The following KCNAB1 variants were observed in gnomAD, a reference collection of about 807,000 sequenced individuals.
KCNAB1 encodes potassium voltage-gated channel subfamily A regulatory beta subunit 1.
KCNAB1 carries 35 observed loss-of-function variants against 64.6 expected under a neutral mutation model. The ratio of observed to expected loss-of-function variants is 0.54; its 90% CI spans 0.41 to 0.72. KCNAB1 has a LOEUF of 0.72. Ranked by LOEUF, KCNAB1 falls within the 30% of genes least tolerant of loss-of-function variation. The probability of loss-of-function intolerance (pLI) is 0.00; values close to 1 mark genes in which losing one functional copy is unlikely to be tolerated. For synonymous variants in KCNAB1, 177 were observed against 183.8 expected (o/e 0.96, Z 0.30); for missense variants, 401 against 512.9 (o/e 0.78, Z 2.11).
intron 1 of KCNAB1, among the ~76,000 whole-genome samples, chr3:156,354,723 CAAAA>C (rs11320799): frequency 1.1e-3 from 124 of 117,878 alleles, no homozygotes; most frequent in African/African-American, 3.0e-3. Flanking sequence ...ATCTCCCCTC[CAAAA>C]AAAAAAAAAA....
At chr3:156,314,199 T>A (rs1270254434) in intron 1 of KCNAB1, among the ~76,000 whole-genome samples, 3 of 152,212 alleles carry the variant, frequency 2.0e-5, no homozygotes, top group Non-Finnish European at 4.4e-5. Context: ...TTCAGAGCAC[T>A]TGAGGGGCAG....
intron 8 of KCNAB1, among the ~76,000 whole-genome samples, chr3:156,506,824 G>C (rs1004637462): frequency 1.2e-4 from 18 of 152,264 alleles, no homozygotes; most frequent in African/African-American, 4.3e-4. Flanking sequence ...ATCAGATGCA[G>C]ACACCAGCCC....
intron 8 of KCNAB1, among the ~76,000 whole-genome samples, chr3:156,476,522 TACACACACACAC>T (rs10542832): frequency 1.4e-5 from 2 of 147,460 alleles, no homozygotes; most frequent in African/African-American, 2.5e-5. Flanking sequence ...TATATATATA[TACACACACACAC>T]ACACACACAC....
intron 1 of KCNAB1, among the ~76,000 whole-genome samples, chr3:156,198,616 C>CTT (rs59410120): frequency 2.4e-4 from 28 of 118,510 alleles, no homozygotes; most frequent in African/African-American, 6.3e-4. Flanking sequence ...GCAAACCCTG[C>CTT]TTTTTTTTTT....
intron 1 of KCNAB1, among the ~76,000 whole-genome samples, chr3:156,258,656 A>T (rs1197998912): frequency 2.0e-5 from 3 of 152,216 alleles, no homozygotes; most frequent in Non-Finnish European, 4.4e-5. Flanking sequence ...GAATGATTAC[A>T]GGGAAATTAA....
intron 1 of KCNAB1, among the ~76,000 whole-genome samples, chr3:156,357,092 A>G (rs771417400): frequency 2.0e-5 from 3 of 152,122 alleles, no homozygotes; most frequent in African/African-American, 7.2e-5. Context: ...AGATTTATGC[A>G]TGAGCATGTA....
At chr3:156,485,669 G>T (rs916826929) in intron 8 of KCNAB1, among the ~76,000 whole-genome samples, 9 of 151,744 alleles carry the variant, frequency 5.9e-5, no homozygotes, top group African/African-American at 1.9e-4. Context: ...GCTGAGCTTT[G>T]GGCTTCTAGT....
At chr3:156,387,111 A>G (rs757564336) in intron 1 of KCNAB1, among the ~76,000 whole-genome samples, 36 of 150,476 alleles carry the variant, frequency 2.4e-4, no homozygotes, top group Non-Finnish European at 4.4e-4. Flanking sequence ...TGCATTCTAG[A>G]AGGTTGGCTG....
chr3:156,265,565 C>T (rs1446466681), intron 1 of KCNAB1, among the ~76,000 whole-genome samples: 1 of 152,188 alleles, frequency 6.6e-6, no homozygotes, highest in Non-Finnish European at 1.5e-5. Context: ...GGAAAAGGGC[C>T]TCTGTGTGGG....
intron 1 of KCNAB1, among the ~76,000 whole-genome samples, chr3:156,304,878 A>G (rs1357043673): frequency 6.6e-6 from 1 of 152,222 alleles, no homozygotes; most frequent in East Asian, 1.9e-4. Context: ...AGTAAGAGAT[A>G]CTTTGAAGAT....
At chr3:156,280,691 G>A (rs963871740) in intron 1 of KCNAB1, among the ~76,000 whole-genome samples, 8 of 150,888 alleles carry the variant, frequency 5.3e-5, no homozygotes, top group African/African-American at 1.9e-4. Flanking sequence ...CACATCCCTT[G>A]TAAGTTGGAT....
chr3:156,453,101 T>G (rs1712125700), intron 3 of KCNAB1, 165 bp downstream of exon 3: 1 of 502,344 alleles, frequency 2.0e-6, no homozygotes. Context: ...TTTTTCCTGT[T>G]GTATTTTTTA....
At chr3:156,153,872 T>C (rs1715560766) in intron 1 of KCNAB1, among the ~76,000 whole-genome samples, 1 of 152,214 alleles carries the variant, frequency 6.6e-6, no homozygotes, top group African/African-American at 2.4e-5. Context: ...ACTTGCCAAC[T>C]GCTATTCTTG....
At chr3:156,304,989 A>G (rs1419494651) in intron 1 of KCNAB1, among the ~76,000 whole-genome samples, 1 of 151,926 alleles carries the variant, frequency 6.6e-6, no homozygotes, top group African/African-American at 2.4e-5. Flanking sequence ...CACATACATG[A>G]GGTCATAGGG....
At chr3:156,119,521 A>T (rs9844565), upstream of KCNAB1, among the ~76,000 whole-genome samples, 10,669 of 152,068 alleles carry the variant, frequency 0.07, 1,279 homozygotes, top group African/African-American at 0.24. Flanking sequence ...TAACTCTACA[A>T]TTTTTAACTT....
rs1397298667 is a variant in KCNAB1, at chr3:156,537,479, A to G, written c.*732A>G. The G allele has an allele frequency of 6.4e-6, 1 of 155,074 alleles. No individual in the cohort carries two copies. The highest frequency in any genetic ancestry group is 1.9e-4 in the East Asian group (1 of 5,320). 9.6% of individuals were successfully genotyped at this position (155,074 alleles called of 1,614,324 possible). A position where few individuals can be genotyped will look rare whatever the true frequency, so the allele number is the denominator to read the frequency against. Reference sequence around the variant, plus strand: ...GAATGTCTATTAGGATTCTAATGTTATGTCCACTTACAAGTAGAGACAGTA... The same window carrying G: ...GAATGTCTATTAGGATTCTAATGTTGTGTCCACTTACAAGTAGAGACAGTA... On this transcript the variant is annotated 3_prime_UTR_variant, in exon 14 of 14. Coordinates refer to ENST00000490337, the MANE Select transcript of KCNAB1 (RefSeq NM_172160.3).
At chr3:156,373,660 A>G (rs1576787965) in intron 1 of KCNAB1, among the ~76,000 whole-genome samples, 1 of 152,336 alleles carries the variant, frequency 6.6e-6, no homozygotes, top group East Asian at 1.9e-4. Flanking sequence ...CTATGTTTTC[A>G]GTCTATATGG....
chr3:156,176,168 A>T (rs1712358059), intron 1 of KCNAB1: 1 of 772,928 alleles, frequency 1.3e-6, no homozygotes. Flanking sequence ...ATTGCATTGG[A>T]CAAGAGATAA....
At chr3:156,310,810 A>G (rs979828105) in intron 1 of KCNAB1, among the ~76,000 whole-genome samples, 2 of 152,122 alleles carry the variant, frequency 1.3e-5, no homozygotes, top group Admixed American at 1.3e-4. Flanking sequence ...CTGACTCAAA[A>G]ACAACAACAA....
Sources: allele counts gnomAD v4.1 joint callset (sites outside exome capture counted in the v4.1 genomes callset), GRCh38; gene constraint gnomAD v4.1.1; transcripts MANE v1.5; gene names NCBI Gene and HGNC (gene_info 2026-07-23, HGNC 2026-07-21).